RBM20: variants seen among roughly 807,000 people sequenced by gnomAD.
The protein encoded by RBM20 is RNA-binding protein 20.
RBM20 carries 51 observed loss-of-function variants against 110.1 expected under a neutral mutation model. The ratio of observed to expected loss-of-function variants is 0.46; its 90% CI spans 0.37 to 0.59. The LOEUF (loss-of-function observed/expected upper bound fraction) is 0.59, where lower values mean the gene tolerates loss of function less well. Ranked by LOEUF, RBM20 falls within the 20% of genes least tolerant of loss-of-function variation. The probability of loss-of-function intolerance (pLI) is 0.00; values close to 1 mark genes in which losing one functional copy is unlikely to be tolerated. For missense variants in RBM20, 1,512 were observed against 1,574.9 expected, an observed-to-expected ratio of 0.96 and a Z score of 0.68; for synonymous variants, 589 against 618.2, an observed-to-expected ratio of 0.95 and a Z score of 0.70.
chr10:110,769,253 CT>C (rs1287052783), intron 1 of RBM20, among the ~76,000 whole-genome samples: 1 of 147,958 alleles, frequency 6.8e-6, no homozygotes, highest in Non-Finnish European at 1.5e-5. Context: ...TATCAACAAC[CT>C]TTTTTTTGTT....
rs574348635 is a variant in RBM20 at position 110,726,083 on chromosome 10, C to T, written c.192-54718C>T. On this transcript the variant is annotated intron_variant, in intron 1 of 13. Coordinates refer to ENST00000369519, the MANE Select transcript of RBM20 (RefSeq NM_001134363.3). ...TCTCTGGGCACCTGCCTCCTTGCTC[C>T]CCTGACGCAGCCCCTCTGCCGGCCT... 2.2e-4 allele frequency among the ~76,000 whole-genome samples: 33 copies of T among 152,288 alleles called. No individual in the cohort carries two copies. The South Asian group carries it at 4.4e-3, about 20-fold the overall frequency.
intron 1 of RBM20, among the ~76,000 whole-genome samples, chr10:110,759,640 C>T (rs944793947): frequency 2.6e-5 from 4 of 152,180 alleles, no homozygotes; most frequent in African/African-American, 9.7e-5. Context: ...GGGACCGGCT[C>T]TGTCCATCCA....
At chr10:110,806,047 C>T (rs996588764) in intron 7 of RBM20, among the ~76,000 whole-genome samples, 6 of 152,166 alleles carry the variant, frequency 3.9e-5, no homozygotes, top group South Asian at 4.1e-4. Flanking sequence ...CCGAGGTGGG[C>T]GGATCACTTG....
At chr10:110,736,865 G>A (rs1843675890) in intron 1 of RBM20, among the ~76,000 whole-genome samples, 1 of 152,010 alleles carries the variant, frequency 6.6e-6, no homozygotes, top group Non-Finnish European at 1.5e-5. Flanking sequence ...AGGCATGAGT[G>A]GGATTAGTGC....
intron 12 of RBM20, among the ~76,000 whole-genome samples, chr10:110,828,125 C>A (rs1442415234): frequency 6.6e-6 from 1 of 152,158 alleles, no homozygotes; most frequent in Non-Finnish European, 1.5e-5. Flanking sequence ...TCTATCCATC[C>A]CAGCTTTACT....
chr10:110,742,704 G>A (rs2134971356), intron 1 of RBM20, among the ~76,000 whole-genome samples: 1 of 152,268 alleles, frequency 6.6e-6, no homozygotes, highest in East Asian at 1.9e-4. Flanking sequence ...AACCACTACT[G>A]CTACTGTTCA....
chr10:110,678,590 G>A (rs1862376608), intron 1 of RBM20, among the ~76,000 whole-genome samples: 1 of 152,076 alleles, frequency 6.6e-6, no homozygotes, highest in South Asian at 2.1e-4. Flanking sequence ...GGGAGTCTGG[G>A]GTCTACTCTT....
intron 1 of RBM20, among the ~76,000 whole-genome samples, chr10:110,764,397 T>C (rs1291308384): frequency 6.6e-6 from 1 of 152,216 alleles, no homozygotes; most frequent in East Asian, 1.9e-4. Flanking sequence ...CAGACCTAGA[T>C]CCCTTCTTCT....
At chr10:110,702,698 C>T (rs1042239038) in intron 1 of RBM20, among the ~76,000 whole-genome samples, 1 of 152,344 alleles carries the variant, frequency 6.6e-6, no homozygotes, top group African/African-American at 2.4e-5. Flanking sequence ...CCCTCATGGG[C>T]GTAATGCAGA....
intron 12 of RBM20, among the ~76,000 whole-genome samples, chr10:110,829,226 G>T (rs371253053): frequency 6.6e-6 from 1 of 152,170 alleles, no homozygotes; most frequent in Non-Finnish European, 1.5e-5. Flanking sequence ...TTGTAACAAC[G>T]CAGGAAGGAG....
At chr10:110,701,542 T>C (rs909960334) in intron 1 of RBM20, among the ~76,000 whole-genome samples, 2 of 152,208 alleles carry the variant, frequency 1.3e-5, no homozygotes, top group African/African-American at 2.4e-5. Context: ...TTTGAAAAGT[T>C]CAGGTCCAGC....
chr10:110,801,925 A>G (rs1397045780), intron 7 of RBM20, among the ~76,000 whole-genome samples: 3 of 151,972 alleles, frequency 2.0e-5, no homozygotes, highest in African/African-American at 4.8e-5. Context: ...TGGCTGTTCC[A>G]TCTGGATCTT....
intron 9 of RBM20, among the ~76,000 whole-genome samples, chr10:110,816,582 CA>C (rs1365497949): frequency 6.6e-6 from 1 of 152,106 alleles, no homozygotes; most frequent in Admixed American, 6.5e-5. Flanking sequence ...TGGCATTTAC[CA>C]CCTTCAAACC....
rs550222856 is a variant in RBM20 at position 110,681,224 on chromosome 10, C to G, written c.191+36579C>G. On this transcript the variant is annotated intron_variant, in intron 1 of 13. Transcript: ENST00000369519. ...GGAATCCCAGGGACACACTGTCTCC[C>G]CCTGCTGTTAGACCACGTCTCCTCG... 2.9e-4 allele frequency among the ~76,000 whole-genome samples: 44 copies of G among 152,330 alleles called. No homozygotes were observed. In the South Asian group the frequency reaches 9.1e-3, roughly 32 times the overall value.
intron 1 of RBM20, among the ~76,000 whole-genome samples, chr10:110,724,881 A>C (rs1245720724): frequency 6.6e-6 from 1 of 152,176 alleles, no homozygotes; most frequent in African/African-American, 2.4e-5. Context: ...CATCCCCCTC[A>C]GGAACTTGAC....
At chr10:110,737,081 ACAGGAGAAT>A (rs1443921621) in intron 1 of RBM20, among the ~76,000 whole-genome samples, 1 of 150,634 alleles carries the variant, frequency 6.6e-6, no homozygotes, top group Non-Finnish European at 1.5e-5. Context: ...GGAGGCTGAG[ACAGGAGAAT>A]CACTTGTACC....
chr10:110,822,374 C>T, intron 11 of RBM20: 1 of 456,716 alleles, frequency 2.2e-6, no homozygotes, highest in Non-Finnish European at 4.4e-6. Flanking sequence ...ACAGAGGATC[C>T]TTAAAGGGTA....
intron 1 of RBM20, among the ~76,000 whole-genome samples, chr10:110,750,651 A>G (rs1046867546): frequency 6.6e-6 from 1 of 152,180 alleles, no homozygotes; most frequent in Non-Finnish European, 1.5e-5. Flanking sequence ...GTTTTCCTTG[A>G]CAGGGTGAAA....
intron 1 of RBM20, among the ~76,000 whole-genome samples, chr10:110,687,465 A>G (rs1158501929): frequency 6.6e-6 from 1 of 152,260 alleles, no homozygotes; most frequent in Admixed American, 6.5e-5. Flanking sequence ...AAATATAGAC[A>G]TCTGATCCAG....
Sources: allele counts gnomAD v4.1 joint callset (sites outside exome capture counted in the v4.1 genomes callset), GRCh38; gene constraint gnomAD v4.1.1; transcripts MANE v1.5; gene names NCBI Gene and HGNC (gene_info 2026-07-23, HGNC 2026-07-21).